Variants in KATNIP observed in about 807,000 individuals in gnomAD.
KATNIP encodes katanin-interacting protein.
In KATNIP, 126 loss-of-function variants were observed where a neutral mutation model predicts 174.0. The ratio of observed to expected loss-of-function variants is 0.72; its 90% CI spans 0.63 to 0.84. KATNIP has a LOEUF of 0.84. Ranked by LOEUF, KATNIP falls within the 40% of genes least tolerant of loss-of-function variation. The pLI is 0.00. For synonymous variants in KATNIP, 810 were observed against 835.7 expected (o/e 0.97, Z 0.53); for missense variants, 1,958 against 2,109.7 (o/e 0.93, Z 1.41).
intron 15 of KATNIP, 105 bp downstream of exon 15, chr16:27,741,025 A>G: frequency 8.4e-7 from 1 of 1,191,836 alleles, no homozygotes. Context: ...CTGCACAACA[A>G]GATGGTTGTT....
rs779164239 is a variant in KATNIP, at chr16:27,698,502, T to G, written c.1113+2T>G. ...GAGCAGCCAGCCAGCCCACTGCAGG[T>G]GCGCTCCGGGCTGGGAGAGGAACCG... On this transcript the variant is annotated splice_donor_variant, in intron 9 of 27. Coordinates refer to ENST00000261588, the MANE Select transcript of KATNIP (RefSeq NM_015202.5). LOFTEE classifies it high-confidence loss of function. 1 of 1,604,512 alleles carries G rather than the reference T, an allele frequency of 6.2e-7. No homozygotes were observed. Among genetic ancestry groups the G allele is most frequent in the African/African-American group, 1.3e-5 (1 of 74,754 alleles).
chr16:27,701,480 A>G lies in KATNIP; in HGVS notation c.1180-109A>G, dbSNP rs1020710977. 6 of 762,988 alleles carry G rather than the reference A, an allele frequency of 7.9e-6. No homozygotes were observed. The African/African-American group carries it at 8.7e-5, about 11-fold the overall frequency. The allele number at this position is 762,988 out of a possible 1,614,324, so 47.3% of individuals were successfully genotyped here. ...CCTCACATTCCTGTTCCTGTTTTCT[A>G]CAAAGGGACTGTCAGCCTGAGCATG... On this transcript the variant is annotated intron_variant, in intron 10 of 27. Transcript: ENST00000261588.
intron 1 of KATNIP, among the ~76,000 whole-genome samples, chr16:27,573,496 G>A (rs770078400): frequency 1.3e-5 from 2 of 152,240 alleles, no homozygotes; most frequent in Admixed American, 6.5e-5. Flanking sequence ...GTTTGGTGCA[G>A]CACGTTGGTA....
chr16:27,702,598 C>G (rs2079142289), intron 11 of KATNIP, among the ~76,000 whole-genome samples: 1 of 152,138 alleles, frequency 6.6e-6, no homozygotes, highest in South Asian at 2.1e-4. Flanking sequence ...TGAAATCCAG[C>G]CTGTGTGCTG....
In KATNIP at chr16:27,582,542, A is replaced by C. The variant is rs140312198; in HGVS notation, c.63+8586A>C. On this transcript the variant is annotated intron_variant, in intron 2 of 27. Coordinates refer to ENST00000261588, the MANE Select transcript of KATNIP (RefSeq NM_015202.5). ...GAACTTGAAGAGAGGGGCCCTGGTA[A>C]CATTGACAACTTCTGATTTATGCAG... Among the ~76,000 whole-genome samples the C allele has an allele frequency of 2.7e-4, 41 of 152,294 alleles. No individual in the cohort carries two copies. In the East Asian group the frequency reaches 7.3e-3, roughly 27 times the overall value.
At chr16:27,642,262 G>T (rs2142270717) in intron 5 of KATNIP, among the ~76,000 whole-genome samples, 1 of 152,286 alleles carries the variant, frequency 6.6e-6, no homozygotes, top group East Asian at 1.9e-4. Context: ...TATGTCCTTT[G>T]TAGGGACATG....
chr16:27,652,014 C>T (rs1000155716), intron 6 of KATNIP, among the ~76,000 whole-genome samples: 1 of 152,234 alleles, frequency 6.6e-6, no homozygotes, highest in Non-Finnish European at 1.5e-5. Context: ...GCCACCATGC[C>T]CAGGCAAGGG....
chr16:27,729,386 T>TGATA (rs1318225908), intron 14 of KATNIP, among the ~76,000 whole-genome samples: 1 of 152,226 alleles, frequency 6.6e-6, no homozygotes, highest in East Asian at 1.9e-4. Context: ...CCTGCATTGC[T>TGATA]ACCTGGGGTG....
In KATNIP at chr16:27,749,735, T is replaced by C; in HGVS notation, c.2775T>C (p.Asp925=). 6.2e-7 allele frequency: 1 copy of C among 1,613,060 alleles called. No homozygotes were observed. Among genetic ancestry groups the C allele is most frequent in the Non-Finnish European group, 8.5e-7 (1 of 1,179,520 alleles). Reference sequence around the variant, plus strand: ...CGGAGCTCCCGGGGGACATCCTGGATGAGCTCCTGCAGCAAAAGAGCAGCC... The same window carrying C: ...CGGAGCTCCCGGGGGACATCCTGGACGAGCTCCTGCAGCAAAAGAGCAGCC... The part of the protein sequence containing the change: ...SNTELPGDIL[D]ELLQQKSSRH... Residue 925 remains aspartate (D), a synonymous_variant, in exon 16 of 28, where the codon GAT becomes GAC. Transcript: ENST00000261588.
At chr16:27,746,231 C>T (rs1049045143) in intron 15 of KATNIP, among the ~76,000 whole-genome samples, 2 of 152,176 alleles carry the variant, frequency 1.3e-5, no homozygotes, top group Admixed American at 6.5e-5. Flanking sequence ...CTCGCACACT[C>T]AGGCAGCATC....
chr16:27,721,611 G>T lies in KATNIP; in HGVS notation c.1659G>T (p.Leu553=), dbSNP rs372956161. 1 of 1,614,156 alleles carries T rather than the reference G, an allele frequency of 6.2e-7. No individual in the cohort carries two copies. Among genetic ancestry groups the T allele is most frequent in the Non-Finnish European group, 8.5e-7 (1 of 1,180,016 alleles). Residue 553 remains leucine, a synonymous_variant, in exon 14 of 28, where the codon CTG becomes CTT. Transcript: ENST00000261588. ...GCCCCTTCCACCCACCACTCCAGCT[G>T]TTTTTTGTTATTCGAAACACAAGAC... is the stretch of plus-strand genomic sequence containing the variant. ...WTCPFHPPLQ[L]FFVIRNTRQL... is the part of the protein sequence containing the mutation.
At chr16:27,646,320 C>T (rs980126681) in intron 5 of KATNIP, among the ~76,000 whole-genome samples, 3 of 152,280 alleles carry the variant, frequency 2.0e-5, no homozygotes, top group South Asian at 4.1e-4. Flanking sequence ...GCTTCACATC[C>T]CTCAAGAAGA....
At chr16:27,639,797 T>C (rs2076741629) in intron 5 of KATNIP, among the ~76,000 whole-genome samples, 1 of 152,216 alleles carries the variant, frequency 6.6e-6, no homozygotes. Context: ...CCGTAAAGCA[T>C]TGGCCTTTCC....
chr16:27,774,642 C>T (rs1484112360), intron 23 of KATNIP, among the ~76,000 whole-genome samples: 4 of 152,210 alleles, frequency 2.6e-5, no homozygotes, highest in Non-Finnish European at 5.9e-5. Flanking sequence ...TCTCAAGCAG[C>T]AGCAACATTT....
chr16:27,757,402 A>T, intron 18 of KATNIP: 1 of 655,434 alleles, frequency 1.5e-6, no homozygotes, highest in Non-Finnish European at 1.9e-6. Flanking sequence ...GGTTCTCCAG[A>T]GCGGGTCAGA....
rs190578835 is a variant in KATNIP, at chr16:27,619,235, G to T, written c.140+734G>T. On this transcript the variant is annotated intron_variant, in intron 3 of 27. Transcript: ENST00000261588. ...ATACCTGAGCTCCTGTCTCCAAGCT[G>T]CTCAGCCCAGGCCAGCTGTCTGTGA... Among the ~76,000 whole-genome samples, 361 of 152,342 alleles carry T rather than the reference G, an allele frequency of 2.4e-3. 2 individuals carry two copies. The highest frequency in any genetic ancestry group is 8.3e-3 in the African/African-American group (347 of 41,588).
rs545160993 is a variant in KATNIP at position 27,609,626 on chromosome 16, G to A, written c.64-8799G>A. Among the ~76,000 whole-genome samples, 7 of 151,164 alleles carry A rather than the reference G, an allele frequency of 4.6e-5. No homozygotes were observed. The South Asian group carries it at 8.4e-4, about 18-fold the overall frequency. ...AGGGTGGTCTCGATCTCCTGACCTC[G>A]TGATCCGCCCACCTCAGCCTCCCAA... On this transcript the variant is annotated intron_variant, in intron 2 of 27. Coordinates refer to ENST00000261588, the MANE Select transcript of KATNIP (RefSeq NM_015202.5).
intron 6 of KATNIP, chr16:27,654,801 G>C (rs1042015190): frequency 1.3e-4 from 168 of 1,329,220 alleles, no homozygotes; most frequent in Non-Finnish European, 4.0e-5. Flanking sequence ...CCAAGCAGCT[G>C]TGCCTGCCTT....
chr16:27,774,511 G>C (rs1339521365), intron 23 of KATNIP, among the ~76,000 whole-genome samples: 2 of 152,096 alleles, frequency 1.3e-5, no homozygotes, highest in African/African-American at 2.4e-5. Context: ...CAGCTGCTCC[G>C]AGGTCCTTCC....
Sources: gnomAD v4.1 joint callset for allele counts (sites outside exome capture counted in the v4.1 genomes callset) on GRCh38, gnomAD v4.1.1 for gene constraint, MANE v1.5 for transcripts, NCBI Gene and HGNC (gene_info 2026-07-23, HGNC 2026-07-21) for gene names.